SLFN14: variants seen among roughly 807,000 people sequenced by gnomAD.
SLFN14 encodes the protein schlafen family member 14, also known as protein SLFN14.
SLFN14 carries 47 observed loss-of-function variants against 58.6 expected under a neutral mutation model. The ratio of observed to expected loss-of-function variants is 0.80; its 90% CI spans 0.64 to 1.02. SLFN14 has a LOEUF of 1.02. Among genes scored for constraint, SLFN14 ranks in the 50% least tolerant of loss-of-function variants. The pLI is 0.00. For missense variants in SLFN14, 967 were observed against 1,078.4 expected (o/e 0.90, Z 1.45); for synonymous variants, 390 against 387.3 (o/e 1.01, Z -0.08).
rs773940313 is a variant in SLFN14 at position 35,557,573 on chromosome 17, C to G, written c.490G>C (p.Val164Leu). 2.6e-6 allele frequency: 4 copies of G among 1,551,680 alleles called. No homozygotes were observed. In the South Asian group the frequency reaches 4.8e-5, roughly 18 times the overall value. The change falls in exon 3 of 6, where the codon GTG (valine) becomes CTG (leucine). Residue 164 changes from valine (V) to leucine (L), a missense_variant. Transcript: ENST00000674182. Reference protein sequence around the residue: ...GFRAQRGRPRVKKLHPQQVLN... With the variant: ...GFRAQRGRPRLKKLHPQQVLN... Reference sequence around the variant, plus strand: ...ACCTGCTGAGGATGCAACTTCTTCACCCTTGGTCTTCCTCTTTGGGCTCTA... The same window carrying G: ...ACCTGCTGAGGATGCAACTTCTTCAGCCTTGGTCTTCCTCTTTGGGCTCTA...
rs186569220 is a variant in SLFN14 at position 35,560,389 on chromosome 17, G to A, written c.-124+378C>T. Among the ~76,000 whole-genome samples, 14 of 152,228 alleles carry A rather than the reference G, an allele frequency of 9.2e-5. No homozygotes were observed. In the East Asian group the frequency reaches 2.7e-3, roughly 29 times the overall value. On this transcript the variant is annotated intron_variant, in intron 1 of 5. Coordinates refer to ENST00000674182, the MANE Select transcript of SLFN14 (RefSeq NM_001129820.2). ...TGCCCAGGCTGGAGTGCAGTGGCAC[G>A]ATCTCTTGGCTCATGGCAACCTCCG...
In SLFN14 at chr17:35,547,776, A is replaced by T. The variant is rs1268174093; in HGVS notation, c.*463T>A. The stretch of plus-strand genomic sequence containing the variant: ...CATACCACCACCCAAAAATTATGCC[A>T]GGTGGGCTGGGGTGCATGAGAAACA... On this transcript the variant is annotated 3_prime_UTR_variant, in exon 6 of 6. Coordinates refer to ENST00000674182, the MANE Select transcript of SLFN14 (RefSeq NM_001129820.2). Among the ~76,000 whole-genome samples, 1 of 152,334 alleles carries T rather than the reference A, an allele frequency of 6.6e-6. No homozygotes were observed. Among genetic ancestry groups the T allele is most frequent in the East Asian group, 1.9e-4 (1 of 5,192 alleles).
At position 35,558,056 on chromosome 17, in the gene SLFN14, T is replaced by C. The variant is rs774339589; in HGVS notation, c.7A>G (p.Ser3Gly). Reference sequence around the variant, plus strand: ...GGCATTTCAGTATCAGTCTTGAGACTCTCCATTTCAGCAGCCCCTCTGTGC... The same window carrying C: ...GGCATTTCAGTATCAGTCTTGAGACCCTCCATTTCAGCAGCCCCTCTGTGC... ME[S>G]LKTDTEMPYP... Residue 3 changes from serine (S) to glycine (G), a missense_variant, in exon 3 of 6, where the codon AGT becomes GGT. By Grantham distance (56) the Ser-to-Gly change is moderately conservative. Coordinates refer to ENST00000674182, the MANE Select transcript of SLFN14 (RefSeq NM_001129820.2). The C allele has an allele frequency of 2.8e-4, 434 of 1,549,812 alleles. No individual in the cohort carries two copies. The highest frequency in any genetic ancestry group is 3.6e-4 in the Non-Finnish European group (418 of 1,146,292).
At chr17:35,559,410 G>A (rs2072681831) in intron 2 of SLFN14, among the ~76,000 whole-genome samples, 1 of 152,068 alleles carries the variant, frequency 6.6e-6, no homozygotes, top group Non-Finnish European at 1.5e-5. Context: ...TGATGTGACA[G>A]CAGCATTTTC....
chr17:35,555,164 A>G (rs1291996067), intron 3 of SLFN14, among the ~76,000 whole-genome samples: 1 of 152,030 alleles, frequency 6.6e-6, no homozygotes, highest in African/African-American at 2.4e-5. Context: ...CGAGGTCAGG[A>G]GATCAAGACC....
rs1017057824 is a variant in SLFN14, at chr17:35,548,627, T to A, written c.2351A>T (p.Glu784Val). The A allele has an allele frequency of 6.4e-7, 1 of 1,551,770 alleles. No individual in the cohort carries two copies. Among genetic ancestry groups the A allele is most frequent in the African/African-American group, 1.4e-5 (1 of 73,180 alleles). Residue 784 changes from glutamate (E) to valine (V), a missense_variant, in exon 6 of 6, where the codon GAG becomes GTG. Coordinates refer to ENST00000674182, the MANE Select transcript of SLFN14 (RefSeq NM_001129820.2). Reference sequence around the variant, plus strand: ...TTCTGTTGTCAGATTAGTCTTTGTCTCACACACCCCAGGCAGAGCCTGGGC... The same window carrying A: ...TTCTGTTGTCAGATTAGTCTTTGTCACACACACCCCAGGCAGAGCCTGGGC... The part of the protein sequence containing the change: ...TCAQALPGVC[E>V]TKTNLTTEQI...
At chr17:35,553,480 C>A (rs1490402707) in intron 4 of SLFN14, 36 bp from the exon 5 acceptor site, 1 of 1,453,670 alleles carries the variant, frequency 6.9e-7, no homozygotes, top group African/African-American at 1.4e-5. Context: ...CCAAAACTTA[C>A]AAAAGCATGT....
At position 35,547,532 on chromosome 17, in the gene SLFN14, T is replaced by G. The variant is rs572193402; in HGVS notation, c.*707A>C. On this transcript the variant is annotated 3_prime_UTR_variant, in exon 6 of 6. Coordinates refer to ENST00000674182, the MANE Select transcript of SLFN14 (RefSeq NM_001129820.2). ...GCATTTGACCCACTTATGACTATGG[T>G]CCTCACTATAAATTAACAGAGTAAC... Among the ~76,000 whole-genome samples the G allele has an allele frequency of 6.0e-4, 91 of 152,334 alleles. No individual in the cohort carries two copies. The highest frequency in any genetic ancestry group is 2.1e-3 in the African/African-American group (89 of 41,578).
Position 35,548,402 on chromosome 17 carries a change from T to C in SLFN14, c.2576A>G (p.His859Arg), listed in dbSNP as rs759860271. The C allele has an allele frequency of 6.4e-5, 99 of 1,551,614 alleles. No individual in the cohort carries two copies. The highest frequency in any genetic ancestry group is 8.2e-5 in the Non-Finnish European group (94 of 1,146,998). Residue 859 changes from histidine to arginine, a missense_variant, in exon 6 of 6, where the codon CAC (histidine) becomes CGC (arginine). Transcript: ENST00000674182. ...TTGCTGAATACTGTCTAAAACAATG[T>C]GACTTCCCCAAACACCGGTGGCCGG... ...FSPATGVWGS[H>R]IVLDSIQQFS...
rs2072663086 is a variant in SLFN14 at position 35,557,412 on chromosome 17, G to C, written c.651C>G (p.Thr217=). ...STHVEFKRFT[T]KKVIPRIKEM... is the part of the protein sequence containing the mutation. The stretch of plus-strand genomic sequence containing the variant: ...CCTTAATCCGAGGTATGACTTTTTT[G>C]GTGGTGAACCTTTTAAATTCAACAT... Residue 217 remains threonine (T), a synonymous_variant, in exon 3 of 6, where the codon ACC becomes ACG. Transcript: ENST00000674182. The C allele has an allele frequency of 2.6e-6, 4 of 1,551,562 alleles. No individual in the cohort carries two copies. Among genetic ancestry groups the C allele is most frequent in the Non-Finnish European group, 3.5e-6 (4 of 1,146,958 alleles).
chr17:35,553,651 T>C (rs926463770), intron 4 of SLFN14, among the ~76,000 whole-genome samples: 2 of 152,318 alleles, frequency 1.3e-5, no homozygotes, highest in Non-Finnish European at 2.9e-5. Flanking sequence ...AATTTTTTCT[T>C]TTTTTGTGAG....
chr17:35,551,469 C>T (rs2072586236), intron 5 of SLFN14, among the ~76,000 whole-genome samples: 1 of 152,188 alleles, frequency 6.6e-6, no homozygotes, highest in Admixed American at 6.5e-5. Context: ...AAGATTTATA[C>T]AATCATGTCG....
intron 2 of SLFN14, among the ~76,000 whole-genome samples, chr17:35,559,394 A>G (rs1054179420): frequency 6.6e-6 from 1 of 152,144 alleles, no homozygotes; most frequent in Non-Finnish European, 1.5e-5. Flanking sequence ...TGCCTCATAT[A>G]CAGTGTGATG....
chr17:35,546,101 C>G lies in SLFN14; in HGVS notation c.*2138G>C, dbSNP rs913570968. ...ATATATTTTAAAAAGTCAAATGGTA[C>G]TAAGGCTTATGACTAAAATATAGCA... On this transcript the variant is annotated 3_prime_UTR_variant, in exon 6 of 6. Coordinates refer to ENST00000674182, the MANE Select transcript of SLFN14 (RefSeq NM_001129820.2). Among the ~76,000 whole-genome samples the G allele has an allele frequency of 4.6e-5, 7 of 152,280 alleles. No homozygotes were observed. Among genetic ancestry groups the G allele is most frequent in the African/African-American group, 1.7e-4 (7 of 41,548 alleles).
Position 35,548,656 on chromosome 17 carries a change from C to T in SLFN14, c.2322G>A (p.Thr774=), listed in dbSNP as rs2072555354. 7 of 1,551,642 alleles carry T rather than the reference C, an allele frequency of 4.5e-6. No individual in the cohort carries two copies. Among genetic ancestry groups the T allele is most frequent in the South Asian group, 1.2e-5 (1 of 84,070 alleles). Residue 774 remains threonine, a synonymous_variant, in exon 6 of 6, where the codon ACG becomes ACA. Coordinates refer to ENST00000674182, the MANE Select transcript of SLFN14 (RefSeq NM_001129820.2). ...LFSETAYEEA[T]CAQALPGVCE... is the part of the protein sequence containing the mutation. The stretch of plus-strand genomic sequence containing the variant: ...ACACCCCAGGCAGAGCCTGGGCACA[C>T]GTTGCTTCCTCATAGGCAGTCTCGC...
intron 5 of SLFN14, among the ~76,000 whole-genome samples, chr17:35,550,363 T>C (rs1296557915): frequency 6.6e-6 from 1 of 152,124 alleles, no homozygotes; most frequent in Non-Finnish European, 1.5e-5. Flanking sequence ...CTGGCCAACA[T>C]GGTGAAACCC....
At position 35,544,528 on chromosome 17, in the gene SLFN14, C is replaced by CTTTT. The variant is rs10641330; in HGVS notation, c.*3707_*3710dup. On this transcript the variant is annotated 3_prime_UTR_variant, in exon 6 of 6. Transcript: ENST00000674182. ...CCCAGATAACAAGATGATTTAAGAACTTTTTTTTTTTTTTTTTGAGACAGA... is the reference window on the plus strand; with the variant it reads ...CCCAGATAACAAGATGATTTAAGAACTTTTTTTTTTTTTTTTTTTTTGAGACAGA... Among the ~76,000 whole-genome samples, 5,308 of 139,760 alleles carry CTTTT rather than the reference C, an allele frequency of 0.038. 134 individuals are homozygous for CTTTT. Among genetic ancestry groups the CTTTT allele is most frequent in the South Asian group, 0.068 (298 of 4,402 alleles). The allele number at this position is 139,760 out of a possible 152,430, so 91.7% of individuals were successfully genotyped here.
In SLFN14 at chr17:35,557,410, T is replaced by C. The variant is rs1205914614; in HGVS notation, c.653A>G (p.Lys218Arg). ...THVEFKRFTT[K>R]KVIPRIKEML... Reference sequence around the variant, plus strand: ...TTCCTTAATCCGAGGTATGACTTTTTTGGTGGTGAACCTTTTAAATTCAAC... The same window carrying C: ...TTCCTTAATCCGAGGTATGACTTTTCTGGTGGTGAACCTTTTAAATTCAAC... Residue 218 changes from lysine to arginine, a missense_variant, in exon 3 of 6, where the codon AAA (lysine) becomes AGA (arginine). Coordinates refer to ENST00000674182, the MANE Select transcript of SLFN14 (RefSeq NM_001129820.2). 1 of 1,551,594 alleles carries C rather than the reference T, an allele frequency of 6.4e-7. No homozygotes were observed. Among genetic ancestry groups the C allele is most frequent in the African/African-American group, 1.4e-5 (1 of 73,048 alleles).
chr17:35,558,179 A>G (rs2072672033), intron 2 of SLFN14, 73 bp from the exon 3 acceptor site: 2 of 875,290 alleles, frequency 2.3e-6, no homozygotes, highest in South Asian at 3.7e-5. Context: ...CTTCAAAACT[A>G]TCAATTACTG....
Sources: allele counts gnomAD v4.1 joint callset (sites outside exome capture counted in the v4.1 genomes callset), GRCh38; gene constraint gnomAD v4.1.1; transcripts MANE v1.5; gene names NCBI Gene and HGNC (gene_info 2026-07-23, HGNC 2026-07-21).